The following BICRAL variants were observed in gnomAD, a reference collection of about 807,000 sequenced individuals.
BICRAL encodes BICRA like chromatin remodeling complex associated protein.
A neutral mutation model predicts 91.8 loss-of-function variants in BICRAL; 8 were observed. That is an observed-to-expected ratio of 0.09 (90% CI 0.05 to 0.16). BICRAL has a LOEUF of 0.16. BICRAL is among the 10% of genes least tolerant of loss of function. BICRAL has a pLI of 1.00. For missense variants in BICRAL, 1,038 were observed against 1,310.9 expected, an observed-to-expected ratio of 0.79 and a Z score of 3.21; for synonymous variants, 445 against 491.1, an observed-to-expected ratio of 0.91 and a Z score of 1.24.
In BICRAL at chr6:42,866,650, A is replaced by G. The variant is rs1765716769; in HGVS notation, c.*1204A>G. 2.8e-6 allele frequency: 1 copy of G among 358,522 alleles called. No homozygotes were observed. The highest frequency in any genetic ancestry group is 5.5e-6 in the Non-Finnish European group (1 of 181,466). 22.2% of individuals were successfully genotyped at this position (358,522 alleles called of 1,614,324 possible). On this transcript the variant is annotated 3_prime_UTR_variant, in exon 13 of 13. Coordinates refer to ENST00000314073, the MANE Select transcript of BICRAL (RefSeq NM_001393499.1). ...CCAGCTAGCCCACCACTGAAAGGAA[A>G]GATCTGAGACATGGGATTCCCATTT...
At chr6:42,747,104 C>T (rs1721924170) in intron 1 of BICRAL, 1 of 152,224 alleles carries the variant, frequency 6.6e-6, no homozygotes, top group African/African-American at 2.4e-5. Context: ...TACATTATTT[C>T]TAGGGGTGGT....
chr6:42,752,940 G>GTTT (rs1762403300), intron 1 of BICRAL, among the ~76,000 whole-genome samples: 3 of 97,702 alleles, frequency 3.1e-5, no homozygotes, highest in Non-Finnish European at 6.6e-5. Context: ...TTTTTTGGTT[G>GTTT]GGGGGGTACG....
At chr6:42,830,306 C>G (rs1764437469) in intron 6 of BICRAL, 134 bp downstream of exon 6, 4 of 879,140 alleles carry the variant, frequency 4.5e-6, no homozygotes, top group African/African-American at 1.7e-5. Context: ...TGGCTCATGC[C>G]TGTAATCCCA....
At position 42,845,224 on chromosome 6, in the gene BICRAL, T is replaced by G. The variant is rs1362531053; in HGVS notation, c.1840-6868T>G. Among the ~76,000 whole-genome samples, 29 of 85,508 alleles carry G rather than the reference T, an allele frequency of 3.4e-4. 1 individual carries two copies. The highest frequency in any genetic ancestry group is 6.3e-4 in the African/African-American group (11 of 17,504). The allele number at this position is 85,508 out of a possible 152,430, so 56.1% of individuals were successfully genotyped here. ...TTTTTTTTTTTTTTTTTTTTTTTTT[T>G]TTTTTTTTTTTTTTTTTTTTTTTTA... On this transcript the variant is annotated intron_variant, in intron 6 of 12. Coordinates refer to ENST00000314073, the MANE Select transcript of BICRAL (RefSeq NM_001393499.1).
chr6:42,772,711 A>G (rs900456923), intron 1 of BICRAL, among the ~76,000 whole-genome samples: 6 of 152,188 alleles, frequency 3.9e-5, no homozygotes, highest in Non-Finnish European at 7.3e-5. Context: ...AACCAGCTCT[A>G]GAATCTAGAA....
chr6:42,802,763 T>G (rs1763613574), intron 1 of BICRAL, among the ~76,000 whole-genome samples: 2 of 152,118 alleles, frequency 1.3e-5, no homozygotes, highest in African/African-American at 2.4e-5. Flanking sequence ...TTGTTTTTAA[T>G]AGAGATGAGG....
At chr6:42,758,169 C>A (rs1328366556) in intron 1 of BICRAL, among the ~76,000 whole-genome samples, 2 of 152,222 alleles carry the variant, frequency 1.3e-5, no homozygotes, top group Non-Finnish European at 2.9e-5. Context: ...TCATCTTCTT[C>A]TCCCTGGGCT....
At chr6:42,747,812 T>A (rs59316800) in intron 1 of BICRAL, among the ~76,000 whole-genome samples, 1 of 138,678 alleles carries the variant, frequency 7.2e-6, no homozygotes, top group African/African-American at 3.2e-5. Context: ...TTTGTTTTTT[T>A]TTTTTTTTTT....
At position 42,830,235 on chromosome 6, in the gene BICRAL, T is replaced by C. The variant is rs758271154; in HGVS notation, c.1839+63T>C. ...AGAATGGAAAAATGAGATGTGTATT[T>C]ACTAGAATATAATTTTCATCCTAGG... is the stretch of plus-strand genomic sequence containing the variant. On this transcript the variant is annotated intron_variant, in intron 6 of 12. Coordinates refer to ENST00000314073, the MANE Select transcript of BICRAL (RefSeq NM_001393499.1). 3.3e-6 allele frequency: 5 copies of C among 1,506,790 alleles called. No individual in the cohort carries two copies. In the African/African-American group the frequency reaches 4.2e-5, roughly 13 times the overall value. 93.3% of individuals were successfully genotyped at this position (1,506,790 alleles called of 1,614,324 possible).
At chr6:42,783,868 T>A (rs1763018660) in intron 1 of BICRAL, among the ~76,000 whole-genome samples, 1 of 152,066 alleles carries the variant, frequency 6.6e-6, no homozygotes, top group African/African-American at 2.4e-5. Context: ...GGTCTGAGAG[T>A]GGACGTCTTT....
chr6:42,859,554 G>A (rs1442632703), intron 10 of BICRAL, among the ~76,000 whole-genome samples: 1 of 152,120 alleles, frequency 6.6e-6, no homozygotes, highest in Non-Finnish European at 1.5e-5. Flanking sequence ...AGTCCAGACA[G>A]TTGGACTTCA....
chr6:42,814,029 G>A (rs1381259834), intron 2 of BICRAL, among the ~76,000 whole-genome samples: 1 of 151,840 alleles, frequency 6.6e-6, no homozygotes, highest in African/African-American at 2.4e-5. Flanking sequence ...TAGGTCCGGG[G>A]GTAAAAATGT....
chr6:42,845,608 T>C (rs1764982466), intron 6 of BICRAL, among the ~76,000 whole-genome samples: 1 of 152,122 alleles, frequency 6.6e-6, no homozygotes, highest in African/African-American at 2.4e-5. Context: ...CATGGCCTTT[T>C]AGCTCTCCTT....
intron 1 of BICRAL, among the ~76,000 whole-genome samples, chr6:42,760,757 C>G (rs1762531622): frequency 6.6e-6 from 1 of 151,498 alleles, no homozygotes; most frequent in South Asian, 2.1e-4. Context: ...GCTTGGGGCT[C>G]CCATCTATAA....
Position 42,787,341 on chromosome 6 carries a change from C to T in BICRAL, c.-102+5240C>T, listed in dbSNP as rs146923322. On this transcript the variant is annotated intron_variant, in intron 1 of 12. Coordinates refer to ENST00000314073, the MANE Select transcript of BICRAL (RefSeq NM_001393499.1). ...TGTAAATACTTGGGAGGCATCCAAG[C>T]GGAGAGTTAAGTAGGCACTGAATAT... Among the ~76,000 whole-genome samples, 692 of 152,140 alleles carry T rather than the reference C, an allele frequency of 4.5e-3. 7 individuals are homozygous for T. The highest frequency in any genetic ancestry group is 0.016 in the African/African-American group (645 of 41,514).
intron 1 of BICRAL, among the ~76,000 whole-genome samples, chr6:42,771,262 T>C (rs1000654471): frequency 6.6e-5 from 10 of 152,144 alleles, no homozygotes; most frequent in Admixed American, 1.3e-4. Flanking sequence ...AGAGGACCCC[T>C]CCCCCTGCGG....
chr6:42,806,537 G>T (rs1763713200), intron 1 of BICRAL, among the ~76,000 whole-genome samples: 1 of 149,340 alleles, frequency 6.7e-6, no homozygotes, highest in Non-Finnish European at 1.5e-5. Context: ...TTTTGAGACG[G>T]GGTCTTACTC....
chr6:42,860,514 G>A (rs1181276776), intron 11 of BICRAL, among the ~76,000 whole-genome samples, 158 bp downstream of exon 11: 2 of 152,338 alleles, frequency 1.3e-5, no homozygotes, highest in South Asian at 2.1e-4. Flanking sequence ...TACAAAAACA[G>A]CAGTGAACAT....
At chr6:42,746,711 A>C (rs1762280575), upstream of BICRAL, among the ~76,000 whole-genome samples, 1 of 142,250 alleles carries the variant, frequency 7.0e-6, no homozygotes. Flanking sequence ...CCTCATCCTT[A>C]CCGCCCCCCT....
Sources: gnomAD v4.1 joint callset for allele counts (sites outside exome capture counted in the v4.1 genomes callset) on GRCh38, gnomAD v4.1.1 for gene constraint, MANE v1.5 for transcripts, NCBI Gene and HGNC (gene_info 2026-07-23, HGNC 2026-07-21) for gene names.